Variants in BACH2 observed in about 807,000 individuals in gnomAD.
BACH2 encodes the protein transcription regulator protein BACH2.
BACH2 carries 5 observed loss-of-function variants against 61.8 expected under a neutral mutation model. The ratio of observed to expected loss-of-function variants is 0.08; its 90% confidence interval spans 0.04 to 0.17. The LOEUF (loss-of-function observed/expected upper bound fraction) is 0.17. Among genes scored for constraint, BACH2 ranks in the 10% least tolerant of loss-of-function variants. The probability of loss-of-function intolerance (pLI) is 1.00; values close to 1 mark genes in which losing one functional copy is unlikely to be tolerated. For missense variants in BACH2, 824 were observed against 1,091.1 expected, an observed-to-expected ratio of 0.76 and a Z score of 3.45; for synonymous variants, 446 against 440.1, an observed-to-expected ratio of 1.01 and a Z score of -0.17.
intron 4 of BACH2, among the ~76,000 whole-genome samples, chr6:90,123,422 T>C (rs1299447331): frequency 1.3e-5 from 2 of 152,156 alleles, no homozygotes; most frequent in African/African-American, 4.8e-5. Context: ...CAGTTTGTGA[T>C]AATTTGTTAA....
At position 90,237,580 on chromosome 6, in the gene BACH2, T is replaced by C. The variant is rs76074158; in HGVS notation, c.-275+14933A>G. 3.5e-3 allele frequency among the ~76,000 whole-genome samples: 532 copies of C among 152,238 alleles called. 1 individual carries two copies. The highest frequency in any genetic ancestry group is 8.7e-3 in the Admixed American group (133 of 15,266). On this transcript the variant is annotated intron_variant, in intron 3 of 8. Coordinates refer to ENST00000257749, the MANE Select transcript of BACH2 (RefSeq NM_021813.4). Reference sequence around the variant, plus strand: ...GACCACATCTGTTTGTTTTGTGACATGACAGGCCTTGAGACTGGTGAAAAA... The same window carrying C: ...GACCACATCTGTTTGTTTTGTGACACGACAGGCCTTGAGACTGGTGAAAAA...
intron 8 of BACH2, among the ~76,000 whole-genome samples, chr6:89,935,685 C>A (rs747565914): frequency 5.9e-5 from 9 of 152,308 alleles, no homozygotes; most frequent in African/African-American, 2.2e-4. Context: ...GCTAGCAAAG[C>A]GCTTTAGATA....
chr6:90,272,752 C>T (rs1395373413), intron 1 of BACH2, among the ~76,000 whole-genome samples: 1 of 152,164 alleles, frequency 6.6e-6, no homozygotes, highest in Non-Finnish European at 1.5e-5. Flanking sequence ...TTTTGCTACC[C>T]ACTTACACTG....
intron 1 of BACH2, among the ~76,000 whole-genome samples, chr6:90,275,975 A>T (rs373121855): frequency 3.3e-5 from 5 of 152,298 alleles, no homozygotes; most frequent in African/African-American, 1.2e-4. Flanking sequence ...TCTTAAAAAA[A>T]AAAAAAGAAA....
chr6:90,053,622 G>A (rs899538103), intron 5 of BACH2, among the ~76,000 whole-genome samples: 1 of 152,050 alleles, frequency 6.6e-6, no homozygotes, highest in Admixed American at 6.6e-5. Flanking sequence ...GTCTGCTGGT[G>A]GTAAACTCCC....
intron 6 of BACH2, among the ~76,000 whole-genome samples, chr6:89,954,517 ATT>A (rs35054443): frequency 0.14 from 16,115 of 114,292 alleles, 1,232 homozygotes; most frequent in African/African-American, 0.23. Context: ...CCTTATCACC[ATT>A]TTTTTTTTTT....
At chr6:90,121,718 GT>G (rs199612783) in intron 4 of BACH2, among the ~76,000 whole-genome samples, 1,761 of 152,076 alleles carry the variant, frequency 0.012, 45 homozygotes, top group African/African-American at 0.04. Context: ...CTAATTTTTT[GT>G]ATTTTTAGTA....
At chr6:90,041,164 T>G (rs550050278) in intron 5 of BACH2, among the ~76,000 whole-genome samples, 3 of 152,210 alleles carry the variant, frequency 2.0e-5, no homozygotes, top group Non-Finnish European at 2.9e-5. Flanking sequence ...CTTCTGGTGT[T>G]TCCCTATTAC....
Position 90,025,874 on chromosome 6 carries a change from T to C in BACH2, c.-12-17018A>G, listed in dbSNP as rs534996295. Reference sequence around the variant, plus strand: ...GGGAAATCATTACAGAGAAATGACATGCAAAGTGCGCCATAAAGCATCTGA... The same window carrying C: ...GGGAAATCATTACAGAGAAATGACACGCAAAGTGCGCCATAAAGCATCTGA... On this transcript the variant is annotated intron_variant, in intron 5 of 8. Coordinates refer to ENST00000257749, the MANE Select transcript of BACH2 (RefSeq NM_021813.4). Among the ~76,000 whole-genome samples the C allele has an allele frequency of 2.6e-5, 4 of 152,320 alleles. No homozygotes were observed. The South Asian group carries it at 6.2e-4, about 24-fold the overall frequency.
chr6:90,025,124 G>A (rs1392662736), intron 5 of BACH2, among the ~76,000 whole-genome samples: 1 of 152,200 alleles, frequency 6.6e-6, no homozygotes, highest in South Asian at 2.1e-4. Flanking sequence ...CGGGTGAAAG[G>A]GAGCCCATGT....
chr6:90,096,797 C>A (rs568067265), intron 4 of BACH2, among the ~76,000 whole-genome samples: 7 of 152,314 alleles, frequency 4.6e-5, no homozygotes, highest in African/African-American at 1.7e-4. Context: ...CCTGACATAG[C>A]CTCTTCTTCC....
chr6:90,173,426 T>C (rs988101348), intron 4 of BACH2, among the ~76,000 whole-genome samples: 21 of 152,244 alleles, frequency 1.4e-4, no homozygotes, highest in African/African-American at 4.6e-4. Context: ...AACTTGTGAA[T>C]AGCTAAAAAA....
intron 6 of BACH2, among the ~76,000 whole-genome samples, chr6:89,970,640 G>T (rs866457378): frequency 2.0e-5 from 3 of 152,156 alleles, no homozygotes; most frequent in Middle Eastern, 3.4e-3. Context: ...GCACCTGTAC[G>T]GCCCTTTTTC....
chr6:90,248,681 G>T (rs1770711617), intron 3 of BACH2, among the ~76,000 whole-genome samples: 1 of 152,216 alleles, frequency 6.6e-6, no homozygotes, highest in Admixed American at 6.5e-5. Context: ...AGAGCCTGGT[G>T]CACCTGGTCA....
intron 5 of BACH2, among the ~76,000 whole-genome samples, chr6:90,030,062 T>C (rs1390045380): frequency 6.6e-6 from 1 of 152,214 alleles, no homozygotes. Flanking sequence ...ACATTGCCCA[T>C]TGGCTCTATA....
At chr6:90,052,410 T>TTATC (rs567594426) in intron 5 of BACH2, among the ~76,000 whole-genome samples, 286 of 152,236 alleles carry the variant, frequency 1.9e-3, no homozygotes, top group African/African-American at 6.4e-3. Context: ...TTAAAGTCTT[T>TTATC]TATCTATCTA....
chr6:89,934,264 C>T (rs1225359839), intron 8 of BACH2, among the ~76,000 whole-genome samples: 1 of 152,184 alleles, frequency 6.6e-6, no homozygotes, highest in Non-Finnish European at 1.5e-5. Flanking sequence ...TCTCCTTAAA[C>T]AAAATCCTAC....
intron 4 of BACH2, among the ~76,000 whole-genome samples, chr6:90,122,931 A>G (rs1469567720): frequency 6.6e-6 from 1 of 152,236 alleles, no homozygotes; most frequent in East Asian, 1.9e-4. Context: ...AACGGCAGAG[A>G]AAAGTAAAAT....
intron 4 of BACH2, among the ~76,000 whole-genome samples, chr6:90,094,702 T>A (rs1252136219): frequency 6.6e-6 from 1 of 152,190 alleles, no homozygotes; most frequent in African/African-American, 2.4e-5. Context: ...AATAAAACAA[T>A]CTGATTTTGC....
Sources: allele counts gnomAD v4.1 joint callset (sites outside exome capture counted in the v4.1 genomes callset), GRCh38; gene constraint gnomAD v4.1.1; transcripts MANE v1.5; gene names NCBI Gene and HGNC (gene_info 2026-07-23, HGNC 2026-07-21).